Variants in TENM1 observed in about 807,000 individuals in gnomAD.
The protein encoded by TENM1 is teneurin transmembrane protein 1, also known as teneurin-1.
TENM1 carries 35 observed loss-of-function variants against 174.8 expected under a neutral mutation model. The observed-to-expected ratio is 0.20, with a 90% CI of 0.15 to 0.27. TENM1 has a LOEUF of 0.27. Ranked by LOEUF, TENM1 falls within the 10% of genes least tolerant of loss-of-function variation. TENM1 has a pLI of 1.00. For synonymous variants in TENM1, 781 were observed against 798.7 expected (o/e 0.98, Z 0.37); for missense variants, 1,633 against 2,130.1 (o/e 0.77, Z 4.59).
At chrX:125,038,002 C>T in the TENM1 span, among the ~76,000 whole-genome samples, 1 of 111,283 alleles carries the variant, frequency 9.0e-6, no homozygotes, top group Non-Finnish European at 1.9e-5. Flanking sequence ...AATCATTATT[C>T]CAAGGCAGCA....
At chrX:124,970,292 C>T in the TENM1 span, among the ~76,000 whole-genome samples, 1 of 111,772 alleles carries the variant, frequency 8.9e-6, no homozygotes, top group African/African-American at 3.3e-5. Context: ...AATAGTCTCA[C>T]TCCACCTCAG....
rs767180752 is a variant in TENM1 at position 124,414,521 on chromosome X, A to G, written c.4982+5790T>C. On this transcript the variant is annotated intron_variant, in intron 25 of 31. Coordinates refer to ENST00000422452, the Ensembl canonical transcript of TENM1. ...GGCCAGTATTCGTGCCTTGACAATCACTTCCTTGTTAGCTGTTTCTCTGTG... is the reference window on the plus strand; with the variant it reads ...GGCCAGTATTCGTGCCTTGACAATCGCTTCCTTGTTAGCTGTTTCTCTGTG... Among the ~76,000 whole-genome samples the G allele has an allele frequency of 2.2e-3, 236 of 107,077 alleles. 1 individual carries two copies. The highest frequency in any genetic ancestry group is 7.6e-3 in the African/African-American group (221 of 29,205). 93.0% of individuals were successfully genotyped at this position (107,077 alleles called of 115,157 possible). A position where few individuals can be genotyped will look rare whatever the true frequency, so the allele number is the denominator to read the frequency against.
At chrX:125,106,503 G>C in the TENM1 span, among the ~76,000 whole-genome samples, 1 of 108,510 alleles carries the variant, frequency 9.2e-6, no homozygotes, top group Non-Finnish European at 1.9e-5. Flanking sequence ...TGTGCCTCCC[G>C]GGTTCACACC....
At chrX:124,665,990 T>A (rs1219610134) in intron 6 of TENM1, among the ~76,000 whole-genome samples, 1 of 111,978 alleles carries the variant, frequency 8.9e-6, no homozygotes. Flanking sequence ...AACTGGAGCC[T>A]AGAGAGGTGA....
chrX:124,761,490 C>T (rs866555375), intron 3 of TENM1, among the ~76,000 whole-genome samples: 11 of 91,917 alleles, frequency 1.2e-4, no homozygotes, highest in East Asian at 3.5e-4. Flanking sequence ...GGGAATTGAA[C>T]GACGAGAACA....
chrX:124,529,728 T>A (rs1270694025), intron 16 of TENM1, 136 bp downstream of exon 19: 1 of 824,005 alleles, frequency 1.2e-6, no homozygotes, highest in Admixed American at 3.2e-5. Flanking sequence ...AGGAAATAAA[T>A]ATCACCAATG....
At chrX:125,112,853 C>A in the TENM1 span, among the ~76,000 whole-genome samples, 1 of 110,900 alleles carries the variant, frequency 9.0e-6, no homozygotes, top group East Asian at 2.8e-4. Flanking sequence ...AATTGGAAGG[C>A]TCAACTTGTT....
At chrX:124,393,181 A>G (rs1386291953) in intron 27 of TENM1, among the ~76,000 whole-genome samples, 1 of 110,896 alleles carries the variant, frequency 9.0e-6, no homozygotes, top group Non-Finnish European at 1.9e-5. Flanking sequence ...ACAGTATTCA[A>G]CGGTGCCTGA....
In TENM1 at chrX:124,565,932, A is replaced by G. The variant is rs1031850453; in HGVS notation, c.2078-372T>C. 2.7e-5 allele frequency among the ~76,000 whole-genome samples: 3 copies of G among 112,538 alleles called. No homozygotes were observed. In the Admixed American group the frequency reaches 2.8e-4, roughly 11 times the overall value. Reference sequence around the variant, plus strand: ...GTAGTTAAGTCTCTAAGAATAATATAAAACTCTAAGCCAAACTGATTCTGA... The same window carrying G: ...GTAGTTAAGTCTCTAAGAATAATATGAAACTCTAAGCCAAACTGATTCTGA... On this transcript the variant is annotated intron_variant, in intron 11 of 31. Transcript: ENST00000422452.
chrX:124,474,711 T>C (rs970022354), intron 22 of TENM1, among the ~76,000 whole-genome samples: 2 of 111,740 alleles, frequency 1.8e-5, no homozygotes, highest in African/African-American at 6.5e-5. Flanking sequence ...GGTCCTCAAG[T>C]TCCAGTTGCT....
intron 3 of TENM1, among the ~76,000 whole-genome samples, chrX:124,816,390 G>A (rs1391889443): frequency 2.7e-5 from 3 of 112,128 alleles, no homozygotes; most frequent in Non-Finnish European, 5.6e-5. Flanking sequence ...GTATACAATA[G>A]TTCAACATAG....
intron 4 of TENM1, among the ~76,000 whole-genome samples, chrX:124,715,564 A>T (rs1214253495): frequency 2.7e-5 from 3 of 110,986 alleles, no homozygotes; most frequent in Non-Finnish European, 5.7e-5. Flanking sequence ...GGTAGTGGGC[A>T]GAGTATTATA....
At chrX:124,608,534 C>T (rs1325612596) in intron 11 of TENM1, among the ~76,000 whole-genome samples, 3 of 111,527 alleles carry the variant, frequency 2.7e-5, no homozygotes, top group East Asian at 2.8e-4. Context: ...ACAGTAAGCG[C>T]GCTGCTGTCA....
chrX:125,011,183 C>A, the TENM1 span, among the ~76,000 whole-genome samples: 3 of 111,646 alleles, frequency 2.7e-5, no homozygotes, highest in African/African-American at 9.8e-5. Context: ...AAGATTAACT[C>A]GAGATGGATT....
At chrX:125,030,075 C>T in the TENM1 span, among the ~76,000 whole-genome samples, 1 of 112,035 alleles carries the variant, frequency 8.9e-6, no homozygotes, top group Admixed American at 9.5e-5. Flanking sequence ...TACTTTTTAG[C>T]TAATGTGTAT....
chrX:124,546,567 A>T (rs939577583), intron 15 of TENM1, among the ~76,000 whole-genome samples: 20 of 112,153 alleles, frequency 1.8e-4, no homozygotes, highest in South Asian at 1.1e-3. Context: ...GATTTTTTCA[A>T]TGAATCAATC....
chrX:124,765,075 A>G lies in TENM1; in HGVS notation c.536-27878T>C, dbSNP rs2054511163. Among the ~76,000 whole-genome samples the G allele has an allele frequency of 2.7e-5, 3 of 111,556 alleles. 1 individual carries two copies. The highest frequency in any genetic ancestry group is 5.7e-5 in the Non-Finnish European group (3 of 53,080). On this transcript the variant is annotated intron_variant, in intron 3 of 31. Coordinates refer to ENST00000422452, the Ensembl canonical transcript of TENM1. ...CTGACCACCTATAGCACTGTTTCCTATTATGCCCCCAATACCTCCTAAGAC... is the reference window on the plus strand; with the variant it reads ...CTGACCACCTATAGCACTGTTTCCTGTTATGCCCCCAATACCTCCTAAGAC...
rs140061186 is a variant in TENM1 at position 124,487,185 on chromosome X, T to C, written c.3716+24A>G. The C allele has an allele frequency of 2.9e-3, 3,333 of 1,160,578 alleles. 19 individuals are homozygous for C. The highest frequency in any genetic ancestry group is 0.013 in the South Asian group (676 of 52,198). On this transcript the variant is annotated intron_variant, in intron 21 of 31. Coordinates refer to ENST00000422452, the Ensembl canonical transcript of TENM1. ...CTCATAGGCAAGAGGGGGCATTAGGTAGCTGCTGATGTGATTTGCTTACCT... is the reference window on the plus strand; with the variant it reads ...CTCATAGGCAAGAGGGGGCATTAGGCAGCTGCTGATGTGATTTGCTTACCT...
chrX:124,871,071 A>G (rs772644871), intron 3 of TENM1, among the ~76,000 whole-genome samples: 69 of 110,747 alleles, frequency 6.2e-4, no homozygotes, highest in African/African-American at 2.2e-3. Context: ...TGGTCCCTCT[A>G]CTGTGCAAGA....
Sources: gnomAD v4.1 joint callset for allele counts (sites outside exome capture counted in the v4.1 genomes callset) on GRCh38, gnomAD v4.1.1 for gene constraint, MANE v1.5 for transcripts, NCBI Gene and HGNC (gene_info 2026-07-23, HGNC 2026-07-21) for gene names.